SPAG16: variants seen among roughly 807,000 people sequenced by gnomAD.
SPAG16 encodes the protein sperm associated antigen 16, also known as sperm-associated antigen 16 protein.
Under a neutral mutation model 80.4 loss-of-function variants are expected in SPAG16, and 86 were observed. The ratio of observed to expected loss-of-function variants is 1.07; its 90% CI spans 0.90 to 1.28. SPAG16 has a LOEUF of 1.28. Among genes scored for constraint, SPAG16 ranks in the 50% most tolerant of loss-of-function variants. SPAG16 has a pLI of 0.00. For missense variants in SPAG16, 870 were observed against 765.3 expected, an observed-to-expected ratio of 1.14 and a Z score of -1.61; for synonymous variants, 294 against 265.9, an observed-to-expected ratio of 1.11 and a Z score of -1.03.
intron 10 of SPAG16, among the ~76,000 whole-genome samples, chr2:213,605,508 A>C (rs1259018611): frequency 6.6e-6 from 1 of 151,712 alleles, no homozygotes; most frequent in African/African-American, 2.4e-5. Context: ...TTTTTTTTTG[A>C]GACAGAGTTT....
chr2:213,552,907 A>C (rs1427679858), intron 10 of SPAG16, among the ~76,000 whole-genome samples: 1 of 151,882 alleles, frequency 6.6e-6, no homozygotes, highest in Admixed American at 6.6e-5. Flanking sequence ...CAAACATCAA[A>C]TTCTTTGGCT....
chr2:213,366,073 C>T (rs1431640364), intron 8 of SPAG16, among the ~76,000 whole-genome samples: 3 of 141,406 alleles, frequency 2.1e-5, no homozygotes, highest in South Asian at 2.2e-4. Flanking sequence ...ACCCGGGAGG[C>T]GGAGCTTGCA....
At chr2:213,319,133 G>C (rs1264413907) in intron 5 of SPAG16, among the ~76,000 whole-genome samples, 1 of 151,884 alleles carries the variant, frequency 6.6e-6, no homozygotes, top group African/African-American at 2.4e-5. Flanking sequence ...CAGAGTTCGT[G>C]TTTTATTTAT....
At chr2:213,932,949 A>AACACAC (rs3076792) in intron 12 of SPAG16, among the ~76,000 whole-genome samples, 7,162 of 143,894 alleles carry the variant, frequency 0.05, 211 homozygotes, top group South Asian at 0.094. Context: ...GTTGTTTGAA[A>AACACAC]ACACACACAC....
chr2:214,060,064 C>T (rs2125173491), intron 13 of SPAG16, among the ~76,000 whole-genome samples: 1 of 152,284 alleles, frequency 6.6e-6, no homozygotes, highest in South Asian at 2.1e-4. Context: ...TCCTCCAAGC[C>T]TAAGAGAGTA....
At chr2:214,245,651 T>A (rs1407224404) in intron 15 of SPAG16, among the ~76,000 whole-genome samples, 1 of 152,174 alleles carries the variant, frequency 6.6e-6, no homozygotes, top group Non-Finnish European at 1.5e-5. Context: ...TAAAATATAC[T>A]AAACATACAT....
chr2:214,271,638 A>G (rs918444000), intron 15 of SPAG16, among the ~76,000 whole-genome samples: 3 of 152,078 alleles, frequency 2.0e-5, no homozygotes, highest in African/African-American at 4.8e-5. Context: ...TGTCTCTACT[A>G]AAAATACAAA....
At chr2:213,892,026 T>C (rs558655341) in intron 11 of SPAG16, among the ~76,000 whole-genome samples, 112 of 152,266 alleles carry the variant, frequency 7.4e-4, no homozygotes, top group Non-Finnish European at 9.3e-4. Context: ...GGTAGAATTA[T>C]CATCCCCAGA....
chr2:214,059,069 C>T (rs529069401), intron 13 of SPAG16, among the ~76,000 whole-genome samples: 9 of 151,250 alleles, frequency 6.0e-5, no homozygotes, highest in East Asian at 5.9e-4. Flanking sequence ...ATATCTTGCT[C>T]GGGAGGCTGA....
chr2:213,335,500 T>C (rs1466217372), intron 5 of SPAG16, among the ~76,000 whole-genome samples: 5 of 152,190 alleles, frequency 3.3e-5, no homozygotes, highest in Non-Finnish European at 7.4e-5. Context: ...CAATAACAAA[T>C]TAGAAAAGAT....
At chr2:213,580,120 C>T (rs1292618248) in intron 10 of SPAG16, among the ~76,000 whole-genome samples, 2 of 151,958 alleles carry the variant, frequency 1.3e-5, no homozygotes, top group Non-Finnish European at 2.9e-5. Context: ...TCCTAAGACC[C>T]TTATTCCAGA....
intron 14 of SPAG16, among the ~76,000 whole-genome samples, chr2:214,123,290 C>CT (rs34893069): frequency 0.22 from 33,642 of 151,748 alleles, 4,160 homozygotes; most frequent in Non-Finnish European, 0.28. Context: ...CCAATCACTC[C>CT]TATAGTCAAA....
At chr2:213,431,414 G>T (rs1428055557) in intron 9 of SPAG16, among the ~76,000 whole-genome samples, 1 of 151,120 alleles carries the variant, frequency 6.6e-6, no homozygotes, top group East Asian at 1.9e-4. Context: ...AAAAAAAAAA[G>T]ATATTCCATG....
chr2:214,322,717 A>T (rs537625759), intron 15 of SPAG16, among the ~76,000 whole-genome samples: 6 of 152,312 alleles, frequency 3.9e-5, no homozygotes, highest in Admixed American at 1.3e-4. Context: ...CACCAGAAAA[A>T]TACTAGCCAT....
At chr2:213,627,319 G>A (rs1218149392) in intron 10 of SPAG16, among the ~76,000 whole-genome samples, 1 of 152,190 alleles carries the variant, frequency 6.6e-6, no homozygotes, top group African/African-American at 2.4e-5. Context: ...GTGACTCAGT[G>A]TCTTCAAAGT....
intron 14 of SPAG16, among the ~76,000 whole-genome samples, 198 bp downstream of exon 14, chr2:214,108,459 ACACACACACACACACACACACC>A (rs2053496554): frequency 1.0e-5 from 1 of 97,660 alleles, no homozygotes; most frequent in African/African-American, 4.2e-5. Flanking sequence ...ACACACACAC[ACACACACACACACACACACACC>A]CCCACACACA....
intron 12 of SPAG16, among the ~76,000 whole-genome samples, chr2:213,984,454 C>A (rs190276419): frequency 1.3e-4 from 20 of 152,210 alleles, no homozygotes; most frequent in African/African-American, 4.3e-4. Context: ...GCTCACATAA[C>A]TCTCCAGGAC....
chr2:213,775,620 G>T (rs2069527467), intron 10 of SPAG16, among the ~76,000 whole-genome samples: 1 of 152,128 alleles, frequency 6.6e-6, no homozygotes, highest in Non-Finnish European at 1.5e-5. Context: ...TTTGACTGAT[G>T]CCTCACTGTT....
intron 15 of SPAG16, among the ~76,000 whole-genome samples, chr2:214,200,985 T>A (rs1056233760): frequency 7.2e-5 from 11 of 152,174 alleles, no homozygotes; most frequent in Non-Finnish European, 5.9e-5. Context: ...TTCCGGCCAA[T>A]TAACAGGTGA....
Sources: gnomAD v4.1 joint callset for allele counts (sites outside exome capture counted in the v4.1 genomes callset) on GRCh38, gnomAD v4.1.1 for gene constraint, MANE v1.5 for transcripts, NCBI Gene and HGNC (gene_info 2026-07-23, HGNC 2026-07-21) for gene names.